ELOVL5: variants seen among roughly 807,000 people sequenced by gnomAD.
ELOVL5 encodes the protein very long chain fatty acid elongase 5.
ELOVL5 carries 8 observed loss-of-function variants against 38.6 expected under a neutral mutation model. The ratio of observed to expected loss-of-function variants is 0.21; its 90% CI spans 0.12 to 0.37. The LOEUF is 0.37. Ranked by LOEUF, ELOVL5 falls within the 10% of genes least tolerant of loss-of-function variation. The probability of loss-of-function intolerance (pLI) is 1.00; values close to 1 mark genes in which losing one functional copy is unlikely to be tolerated. For synonymous variants in ELOVL5, 127 were observed against 133.7 expected, an observed-to-expected ratio of 0.95 and a Z score of 0.34; for missense variants, 280 against 367.8, an observed-to-expected ratio of 0.76 and a Z score of 1.95.
chr6:53,324,691 A>AAAAAAAAAAAAAAAC lies in ELOVL5; in HGVS notation c.-9+24125_-9+24126insGTTTTTTTTTTTTTT, dbSNP rs70980840. Among the ~76,000 whole-genome samples, 106 of 118,048 alleles carry AAAAAAAAAAAAAAAC rather than the reference A, an allele frequency of 9.0e-4. 7 individuals carry two copies. The Middle Eastern group carries it at 0.016, about 17-fold the overall frequency. 77.4% of individuals were successfully genotyped at this position (118,048 alleles called of 152,430 possible). On this transcript the variant is annotated intron_variant, in intron 1 of 7. Transcript: ENST00000304434. Reference sequence around the variant, plus strand: ...TCCTGTCAAAAAAAAAAAAAAAAAAAGGAAAAGAAATAGAATCAGGAAGGA... The same window carrying AAAAAAAAAAAAAAAC: ...TCCTGTCAAAAAAAAAAAAAAAAAAAAAAAAAAAAAAAAACGGAAAAGAAATAGAATCAGGAAGGA...
intron 3 of ELOVL5, among the ~76,000 whole-genome samples, chr6:53,283,490 A>C (rs1387428121): frequency 6.6e-6 from 1 of 152,376 alleles, no homozygotes; most frequent in Non-Finnish European, 1.5e-5. Flanking sequence ...TTAAAAAGGC[A>C]ACACAGCAAA....
intron 1 of ELOVL5, among the ~76,000 whole-genome samples, chr6:53,306,556 A>G (rs1767588481): frequency 6.6e-6 from 1 of 152,162 alleles, no homozygotes; most frequent in Non-Finnish European, 1.5e-5. Context: ...GGAGGGTAAC[A>G]TGATTTTAGA....
rs1765828699 is a variant in ELOVL5, at chr6:53,269,033, A to G, written c.*94T>C. The G allele has an allele frequency of 2.8e-6, 4 of 1,440,404 alleles. No individual in the cohort carries two copies. Among genetic ancestry groups the G allele is most frequent in the Non-Finnish European group, 3.8e-6 (4 of 1,053,664 alleles). 89.2% of individuals were successfully genotyped at this position (1,440,404 alleles called of 1,614,324 possible). On this transcript the variant is annotated 3_prime_UTR_variant, in exon 8 of 8. Coordinates refer to ENST00000304434, the MANE Select transcript of ELOVL5 (RefSeq NM_021814.5). ...CATGAATCACACTATTGTAGGCCAG[A>G]CTAGTTACAGCAGCTGTTAACGAGC...
intron 3 of ELOVL5, chr6:53,287,912 A>G (rs1339556348): frequency 6.5e-7 from 1 of 1,535,716 alleles, no homozygotes; most frequent in Admixed American, 2.0e-5. Context: ...CGTGAGGCAC[A>G]GGCAGATCGA....
Position 53,268,990 on chromosome 6 carries a change from T to C in ELOVL5, c.*137A>G, listed in dbSNP as rs1279310005. ...GTATACGTTTTCTAGGGGTTTTGAA[T>C]TGATGAAAGAAGTCCTACATGAATC... On this transcript the variant is annotated 3_prime_UTR_variant, in exon 8 of 8. Coordinates refer to ENST00000304434, the MANE Select transcript of ELOVL5 (RefSeq NM_021814.5). 14 of 991,610 alleles carry C rather than the reference T, an allele frequency of 1.4e-5. No homozygotes were observed. Among genetic ancestry groups the C allele is most frequent in the Admixed American group, 5.0e-5 (2 of 40,224 alleles). The allele number at this position is 991,610 out of a possible 1,614,324, so 61.4% of individuals were successfully genotyped here.
intron 1 of ELOVL5, among the ~76,000 whole-genome samples, chr6:53,297,285 T>C (rs903424789): frequency 7.9e-5 from 12 of 152,230 alleles, no homozygotes; most frequent in Non-Finnish European, 1.5e-4. Flanking sequence ...GATTTTAACA[T>C]ACAGTAGTCC....
At chr6:53,342,019 C>T (rs1485676099) in intron 1 of ELOVL5, among the ~76,000 whole-genome samples, 1 of 152,198 alleles carries the variant, frequency 6.6e-6, no homozygotes, top group Middle Eastern at 3.4e-3. Context: ...GGCTGCCAAC[C>T]CAATCTGCTT....
chr6:53,275,095 C>G lies in ELOVL5; in HGVS notation c.491G>C (p.Gly164Ala). Residue 164 changes from glycine (G) to alanine (A), a missense_variant, in exon 5 of 8, where the codon GGC becomes GCC. By Grantham distance (60) the Gly-to-Ala change is moderately conservative (BLOSUM62 0). This residue lies in a region of ELOVL5 where 5 missense variants were observed against 30.9 expected (regional missense o/e 0.16). Transcript: ENST00000304434. ...TCCCCGTCTCTAATACTTACAGTGG[C>G]CGCAGGGGACCCAGTTCATCACAAA... is the stretch of plus-strand genomic sequence containing the variant. The part of the protein sequence containing the change: ...WWFVMNWVPC[G>A]HSYFGATLNS... 1 of 1,613,806 alleles carries G rather than the reference C, an allele frequency of 6.2e-7. No individual in the cohort carries two copies. Among genetic ancestry groups the G allele is most frequent in the Non-Finnish European group, 8.5e-7 (1 of 1,179,908 alleles).
At chr6:53,297,685 T>C (rs1026712341) in intron 1 of ELOVL5, among the ~76,000 whole-genome samples, 8 of 152,136 alleles carry the variant, frequency 5.3e-5, no homozygotes, top group Non-Finnish European at 1.2e-4. Context: ...TAGGTATGTA[T>C]GCATAGGAAA....
At chr6:53,297,164 C>T (rs951366703) in intron 1 of ELOVL5, among the ~76,000 whole-genome samples, 4 of 151,988 alleles carry the variant, frequency 2.6e-5, no homozygotes, top group Non-Finnish European at 5.9e-5. Context: ...CACCAGCTCC[C>T]CGAAGGCACC....
chr6:53,323,427 T>C (rs1273044281), intron 1 of ELOVL5, among the ~76,000 whole-genome samples: 1 of 152,188 alleles, frequency 6.6e-6, no homozygotes, highest in Non-Finnish European at 1.5e-5. Context: ...AACGTGGTCA[T>C]ATTAATTCTC....
At chr6:53,335,077 C>G (rs1561893009) in intron 1 of ELOVL5, among the ~76,000 whole-genome samples, 2 of 152,200 alleles carry the variant, frequency 1.3e-5, no homozygotes, top group Non-Finnish European at 2.9e-5. Context: ...TTCTAAATTC[C>G]AAGCTCTATG....
chr6:53,310,702 A>G (rs1581964583), intron 1 of ELOVL5, among the ~76,000 whole-genome samples: 1 of 152,138 alleles, frequency 6.6e-6, no homozygotes, highest in East Asian at 1.9e-4. Flanking sequence ...TGGCCTCCCA[A>G]AGTGCTAGGA....
chr6:53,275,815 G>A (rs1284388037), intron 4 of ELOVL5, among the ~76,000 whole-genome samples: 1 of 152,194 alleles, frequency 6.6e-6, no homozygotes, highest in Non-Finnish European at 1.5e-5. Context: ...CCTCATGAGT[G>A]GAAGTCAGAT....
At position 53,348,857 on chromosome 6, in the gene ELOVL5, A is replaced by AGGC. The variant is rs752938973; in HGVS notation, c.-52_-50dup. ...GCGGCAGCAGCTTTGAGCAGCAGCA[A>AGGC]GGCGGCGGCGGCGGAGGGAGCGCGG... On this transcript the variant is annotated 5_prime_UTR_variant, in exon 1 of 8. Transcript: ENST00000304434. 58 of 458,514 alleles carry AGGC rather than the reference A, an allele frequency of 1.3e-4. No homozygotes were observed. The highest frequency in any genetic ancestry group is 3.2e-4 in the African/African-American group (16 of 49,992). 28.4% of individuals were successfully genotyped at this position (458,514 alleles called of 1,614,324 possible).
chr6:53,345,307 G>T (rs1487869966), intron 1 of ELOVL5, among the ~76,000 whole-genome samples: 1 of 152,206 alleles, frequency 6.6e-6, no homozygotes, highest in Non-Finnish European at 1.5e-5. Context: ...TTTCAGGTCA[G>T]ATGCACAGGT....
chr6:53,267,806 T>C lies in ELOVL5; in HGVS notation c.*1321A>G, dbSNP rs115014448. 5.2e-5 allele frequency: 8 copies of C among 152,682 alleles called. No homozygotes were observed. The highest frequency in any genetic ancestry group is 1.9e-4 in the African/African-American group (8 of 41,566). 9.5% of individuals were successfully genotyped at this position (152,682 alleles called of 1,614,324 possible). A position where few individuals can be genotyped will look rare whatever the true frequency, so the allele number is the denominator to read the frequency against. On this transcript the variant is annotated 3_prime_UTR_variant, in exon 8 of 8. Coordinates refer to ENST00000304434, the MANE Select transcript of ELOVL5 (RefSeq NM_021814.5). ...GGTTCCAAGAATATCTTTCCCCCAA[T>C]GGAGAAGGTATTCAGAGGCTAAATT...
intron 1 of ELOVL5, among the ~76,000 whole-genome samples, chr6:53,319,977 A>G (rs1005873544): frequency 6.6e-6 from 1 of 152,196 alleles, no homozygotes; most frequent in African/African-American, 2.4e-5. Context: ...CCAGGTTTAT[A>G]TATTTGCCCA....
At chr6:53,321,857 C>T (rs1226268380) in intron 1 of ELOVL5, among the ~76,000 whole-genome samples, 1 of 152,126 alleles carries the variant, frequency 6.6e-6, no homozygotes, top group Non-Finnish European at 1.5e-5. Flanking sequence ...ATGGCAAATG[C>T]TGTGTGTGCT....
Sources: gnomAD v4.1 joint callset for allele counts (sites outside exome capture counted in the v4.1 genomes callset) on GRCh38, gnomAD v4.1.1 for gene constraint, gnomAD v4.1.1 regional missense constraint, MANE v1.5 for transcripts, NCBI Gene and HGNC (gene_info 2026-07-23, HGNC 2026-07-21) for gene names.